The following SND1 variants were observed in gnomAD, a reference collection of about 807,000 sequenced individuals.
SND1 encodes staphylococcal nuclease and tudor domain containing 1.
Under a neutral mutation model 121.7 loss-of-function variants are expected in SND1, and 38 were observed. The ratio of observed to expected loss-of-function variants is 0.31; its 90% confidence interval spans 0.24 to 0.41. The LOEUF (loss-of-function observed/expected upper bound fraction) is 0.41, where lower values mean the gene tolerates loss of function less well. SND1 is among the 10% of genes least tolerant of loss of function. The pLI, the probability that SND1 is intolerant of heterozygous loss-of-function variation, is 1.00. For synonymous variants in SND1, 401 were observed against 447.4 expected (o/e 0.90, Z 1.31); for missense variants, 868 against 1,184.6 (o/e 0.73, Z 3.92).
intron 10 of SND1, among the ~76,000 whole-genome samples, chr7:127,735,330 C>T (rs1244844362): frequency 1.3e-5 from 2 of 152,186 alleles, no homozygotes; most frequent in African/African-American, 2.4e-5. Context: ...GTCTTTGTTA[C>T]TGTAACACGT....
chr7:127,890,925 G>A (rs1799999097), intron 13 of SND1, among the ~76,000 whole-genome samples: 2 of 152,116 alleles, frequency 1.3e-5, no homozygotes, highest in African/African-American at 4.8e-5. Context: ...CACTGTTGCA[G>A]GTTGAGTAAA....
chr7:127,955,188 G>A (rs555964317), intron 15 of SND1, among the ~76,000 whole-genome samples: 17 of 152,238 alleles, frequency 1.1e-4, no homozygotes, highest in Non-Finnish European at 4.4e-5. Flanking sequence ...ATGAGCTTGC[G>A]TAATGTGCCT....
At chr7:128,072,634 TG>T (rs1793431666) in intron 16 of SND1, among the ~76,000 whole-genome samples, 1 of 152,202 alleles carries the variant, frequency 6.6e-6, no homozygotes, top group Non-Finnish European at 1.5e-5. Context: ...TGTATCATTT[TG>T]CCCCTCACAG....
intron 16 of SND1, among the ~76,000 whole-genome samples, chr7:128,043,673 G>C (rs1792895466): frequency 6.6e-6 from 1 of 151,280 alleles, no homozygotes; most frequent in Non-Finnish European, 1.5e-5. Context: ...ACACCTCTTG[G>C]TCTCAATTTG....
chr7:127,889,506 A>G (rs944637414), intron 13 of SND1, among the ~76,000 whole-genome samples: 3 of 152,080 alleles, frequency 2.0e-5, no homozygotes, highest in African/African-American at 7.2e-5. Context: ...TTTATCCTTC[A>G]TGTTACAAAC....
chr7:127,747,481 A>C (rs1189421174), intron 10 of SND1, among the ~76,000 whole-genome samples: 1 of 152,236 alleles, frequency 6.6e-6, no homozygotes, highest in Non-Finnish European at 1.5e-5. Context: ...TGTGAGGATG[A>C]GTTCTCTGGA....
chr7:127,663,112 C>T (rs577165542), intron 1 of SND1, among the ~76,000 whole-genome samples: 29 of 151,872 alleles, frequency 1.9e-4, no homozygotes, highest in Non-Finnish European at 3.5e-4. Context: ...GTGTTGAACT[C>T]CTGGGCTGAA....
At chr7:128,003,744 G>A (rs983778720) in intron 16 of SND1, among the ~76,000 whole-genome samples, 1 of 152,218 alleles carries the variant, frequency 6.6e-6, no homozygotes, top group Admixed American at 6.5e-5. Flanking sequence ...CCTGCCACTT[G>A]GTAATTTTAG....
chr7:128,084,869 G>A (rs1283186483), intron 19 of SND1, 22 bp downstream of exon 19: 1 of 1,582,590 alleles, frequency 6.3e-7, no homozygotes, highest in Admixed American at 1.7e-5. Flanking sequence ...GGAAAAGCAA[G>A]GCAGAGTCTT....
intron 11 of SND1, among the ~76,000 whole-genome samples, chr7:127,818,326 C>A (rs962528451): frequency 6.6e-6 from 1 of 152,168 alleles, no homozygotes; most frequent in Admixed American, 6.5e-5. Context: ...GCAGTCACTC[C>A]TTAGTACTGT....
At chr7:127,947,350 A>G (rs1313206360) in intron 15 of SND1, among the ~76,000 whole-genome samples, 4 of 152,208 alleles carry the variant, frequency 2.6e-5, no homozygotes, top group Admixed American at 6.5e-5. Flanking sequence ...CTGCCCCTAG[A>G]TATGCCAGGA....
chr7:127,804,904 T>G (rs1361294746), intron 10 of SND1, among the ~76,000 whole-genome samples: 1 of 152,222 alleles, frequency 6.6e-6, no homozygotes, highest in African/African-American at 2.4e-5. Flanking sequence ...ATGTCCACTG[T>G]TGTTTGGTGA....
chr7:128,061,379 C>G (rs1793228565), intron 16 of SND1, among the ~76,000 whole-genome samples: 1 of 152,158 alleles, frequency 6.6e-6, no homozygotes. Flanking sequence ...GGCCCAAAAA[C>G]CATCAAGAGC....
chr7:127,863,939 C>T (rs73232939), intron 12 of SND1, among the ~76,000 whole-genome samples: 12,597 of 151,866 alleles, frequency 0.083, 675 homozygotes, highest in Non-Finnish European at 0.12. Flanking sequence ...TAGGAATATA[C>T]GATATACTTA....
At chr7:127,803,402 GA>G (rs1369495351) in intron 10 of SND1, among the ~76,000 whole-genome samples, 9 of 151,906 alleles carry the variant, frequency 5.9e-5, no homozygotes, top group African/African-American at 2.2e-4. Context: ...TTTCAGTACA[GA>G]ACTTTTAAAA....
At chr7:127,670,098 CT>C (rs1446439181) in intron 1 of SND1, among the ~76,000 whole-genome samples, 1 of 151,410 alleles carries the variant, frequency 6.6e-6, no homozygotes, top group Non-Finnish European at 1.5e-5. Context: ...TCAAGTGATT[CT>C]TGTGCCTCAC....
chr7:128,048,068 G>A lies in SND1; in HGVS notation c.1780-26434G>A, dbSNP rs569530330. ...TCACCATGTTGGCCAGGCTGGTCTCGATCTCCTGACCTCGTGATCCACCCG... is the reference window on the plus strand; with the variant it reads ...TCACCATGTTGGCCAGGCTGGTCTCAATCTCCTGACCTCGTGATCCACCCG... On this transcript the variant is annotated intron_variant, in intron 16 of 23. Coordinates refer to ENST00000354725, the MANE Select transcript of SND1 (RefSeq NM_014390.4). Among the ~76,000 whole-genome samples, 9 of 152,034 alleles carry A rather than the reference G, an allele frequency of 5.9e-5. No individual in the cohort carries two copies. In the South Asian group the frequency reaches 6.2e-4, roughly 11 times the overall value.
chr7:127,800,098 T>C (rs1007613743), intron 10 of SND1, among the ~76,000 whole-genome samples: 4 of 152,238 alleles, frequency 2.6e-5, no homozygotes, highest in Non-Finnish European at 5.9e-5. Flanking sequence ...AGGTCCTTAA[T>C]TGTAAATATG....
chr7:127,742,709 G>A (rs926128742), intron 10 of SND1, among the ~76,000 whole-genome samples: 4 of 152,124 alleles, frequency 2.6e-5, no homozygotes, highest in African/African-American at 9.7e-5. Context: ...TCATCGGGTG[G>A]TTTCTTCGTC....
Sources: gnomAD v4.1 joint callset for allele counts (sites outside exome capture counted in the v4.1 genomes callset) on GRCh38, gnomAD v4.1.1 for gene constraint, MANE v1.5 for transcripts, NCBI Gene and HGNC (gene_info 2026-07-23, HGNC 2026-07-21) for gene names.